TRAPPC9: variants seen among roughly 807,000 people sequenced by gnomAD.
TRAPPC9 encodes the protein IKK2 binding protein.
Under a neutral mutation model 124.0 loss-of-function variants are expected in TRAPPC9, and 83 were observed. The ratio of observed to expected loss-of-function variants is 0.67; its 90% CI spans 0.56 to 0.80. The LOEUF (loss-of-function observed/expected upper bound fraction) is 0.80. Ranked by LOEUF, TRAPPC9 falls within the 30% of genes least tolerant of loss-of-function variation. TRAPPC9 has a pLI of 0.00. For synonymous variants in TRAPPC9, 638 were observed against 617.5 expected (o/e 1.03, Z -0.49); for missense variants, 1,302 against 1,508.3 (o/e 0.86, Z 2.27).
rs188516763 is a variant in TRAPPC9 at position 139,985,850 on chromosome 8, T to C, written c.2810+2876A>G. Among the ~76,000 whole-genome samples the C allele has an allele frequency of 2.3e-3, 346 of 152,296 alleles. 2 individuals are homozygous for C. The highest frequency in any genetic ancestry group is 4.3e-4 in the Non-Finnish European group (29 of 68,028). On this transcript the variant is annotated intron_variant, in intron 19 of 22. Coordinates refer to ENST00000438773, the MANE Select transcript of TRAPPC9 (RefSeq NM_001160372.4). ...TACACAATGAAATATTAATAGCAGT[T>C]CAAATGAAAGAACCAGATTTATATT...
chr8:140,061,152 A>G (rs1842585970), intron 17 of TRAPPC9, among the ~76,000 whole-genome samples: 3 of 152,190 alleles, frequency 2.0e-5, no homozygotes, highest in African/African-American at 7.2e-5. Context: ...GGCACTGGGG[A>G]GCCATTGGAA....
chr8:139,863,893 G>C (rs1828342615), intron 21 of TRAPPC9, among the ~76,000 whole-genome samples: 1 of 152,228 alleles, frequency 6.6e-6, no homozygotes. Flanking sequence ...GGAAAACAGA[G>C]TGCAGGTCTG....
At chr8:140,162,153 A>T (rs2061762193) in intron 17 of TRAPPC9, among the ~76,000 whole-genome samples, 1 of 152,104 alleles carries the variant, frequency 6.6e-6, no homozygotes, top group African/African-American at 2.4e-5. Flanking sequence ...AATCCAGGCG[A>T]AACTGAGAAT....
At chr8:139,915,812 T>C (rs1832089565) in intron 19 of TRAPPC9, among the ~76,000 whole-genome samples, 1 of 152,240 alleles carries the variant, frequency 6.6e-6, no homozygotes, top group African/African-American at 2.4e-5. Flanking sequence ...AGGGAAGGGC[T>C]GTCTGAGTCA....
intron 9 of TRAPPC9, among the ~76,000 whole-genome samples, chr8:140,325,371 C>T (rs2066708786): frequency 6.6e-6 from 1 of 152,096 alleles, no homozygotes; most frequent in Admixed American, 6.5e-5. Flanking sequence ...AGAAAATCAA[C>T]AAAGTCAATG....
chr8:140,140,510 A>G (rs2061367436), intron 17 of TRAPPC9, among the ~76,000 whole-genome samples: 4 of 152,200 alleles, frequency 2.6e-5, no homozygotes, highest in African/African-American at 9.7e-5. Flanking sequence ...GAACAAGAGC[A>G]TCGAAGTGTC....
In TRAPPC9 at chr8:140,252,766, A is replaced by G. The variant is rs749020100; in HGVS notation, c.2431+11T>C. 1.9e-6 allele frequency: 3 copies of G among 1,613,378 alleles called. No homozygotes were observed. Among genetic ancestry groups the G allele is most frequent in the East Asian group, 4.5e-5 (2 of 44,872 alleles). On this transcript the variant is annotated intron_variant, in intron 16 of 22. Coordinates refer to ENST00000438773, the MANE Select transcript of TRAPPC9 (RefSeq NM_001160372.4). The surrounding 1 kb of genome is among the most constrained non-coding windows in gnomAD (Gnocchi z 4.2). ...CCCTGACGTGCTAATTAAAATTAGGAAAGCGCTTACCATCACTGAGATCCT... is the reference window on the plus strand; with the variant it reads ...CCCTGACGTGCTAATTAAAATTAGGGAAGCGCTTACCATCACTGAGATCCT...
intron 15 of TRAPPC9, among the ~76,000 whole-genome samples, chr8:140,269,323 C>T (rs1030343217): frequency 2.0e-5 from 3 of 151,894 alleles, no homozygotes; most frequent in East Asian, 1.9e-4. Flanking sequence ...GGGCAGATCA[C>T]GAGGTCAGGA....
At chr8:139,973,796 GCCCCCAAA>G (rs774474441) in intron 19 of TRAPPC9, among the ~76,000 whole-genome samples, 5 of 152,002 alleles carry the variant, frequency 3.3e-5, no homozygotes, top group Non-Finnish European at 5.9e-5. Flanking sequence ...TGAGTGCCAG[GCCCCCAAA>G]CCACCCCAGG....
upstream of TRAPPC9, chr8:140,458,382 AC>A (rs761136198): frequency 1.3e-6 from 2 of 1,598,152 alleles, no homozygotes; most frequent in South Asian, 2.3e-5. Context: ...ACCCCCTGTG[AC>A]CCTCACGGTA....
At chr8:139,904,161 A>G (rs1262417757) in intron 20 of TRAPPC9, among the ~76,000 whole-genome samples, 1 of 152,238 alleles carries the variant, frequency 6.6e-6, no homozygotes, top group Non-Finnish European at 1.5e-5. Context: ...GGCACATGGT[A>G]GAGCCTCAAT....
intron 17 of TRAPPC9, among the ~76,000 whole-genome samples, chr8:140,113,426 C>T (rs2060819582): frequency 6.6e-6 from 1 of 152,234 alleles, no homozygotes; most frequent in South Asian, 2.1e-4. Context: ...TTTGCCATCA[C>T]TTACCATGGC....
intron 21 of TRAPPC9, among the ~76,000 whole-genome samples, chr8:139,830,890 G>A (rs1456821250): frequency 6.6e-6 from 1 of 152,258 alleles, no homozygotes; most frequent in Non-Finnish European, 1.5e-5. Context: ...CTGCTCTCCA[G>A]GGAGGCTGAA....
At chr8:140,077,140 C>T (rs1214362800) in intron 17 of TRAPPC9, among the ~76,000 whole-genome samples, 3 of 151,536 alleles carry the variant, frequency 2.0e-5, no homozygotes, top group Non-Finnish European at 2.9e-5. Flanking sequence ...TGCTCCAGCC[C>T]GAGTGAGAGA....
At chr8:140,189,055 T>C (rs1042765252) in intron 17 of TRAPPC9, among the ~76,000 whole-genome samples, 3 of 152,226 alleles carry the variant, frequency 2.0e-5, no homozygotes, top group African/African-American at 7.2e-5. Context: ...ACCCATACCA[T>C]ACACAAATAT....
intron 13 of TRAPPC9, 52 bp downstream of exon 13, chr8:140,287,556 C>T: frequency 6.2e-7 from 1 of 1,612,730 alleles, no homozygotes; most frequent in Non-Finnish European, 8.5e-7. Flanking sequence ...GGAGGCCATG[C>T]AAGGGTTCAG....
At chr8:140,349,681 G>T (rs970708297) in intron 9 of TRAPPC9, among the ~76,000 whole-genome samples, 1 of 152,162 alleles carries the variant, frequency 6.6e-6, no homozygotes, top group African/African-American at 2.4e-5. Flanking sequence ...TGTGCCATGG[G>T]CTTTGCGGCC....
intron 17 of TRAPPC9, among the ~76,000 whole-genome samples, chr8:140,160,558 C>T (rs532236620): frequency 6.6e-6 from 1 of 151,708 alleles, no homozygotes; most frequent in African/African-American, 2.4e-5. Flanking sequence ...GAAAACCAAA[C>T]ACCGCATGTT....
At chr8:140,122,116 C>T (rs771151578) in intron 17 of TRAPPC9, among the ~76,000 whole-genome samples, 18 of 151,802 alleles carry the variant, frequency 1.2e-4, no homozygotes, top group Non-Finnish European at 1.6e-4. Flanking sequence ...TGCTGGGAAA[C>T]TTCAATGAGT....
Sources: allele counts gnomAD v4.1 joint callset (sites outside exome capture counted in the v4.1 genomes callset), GRCh38; gene constraint gnomAD v4.1.1; non-coding constraint Gnocchi (gnomAD v3.1); transcripts MANE v1.5; gene names NCBI Gene and HGNC (gene_info 2026-07-23, HGNC 2026-07-21).